DCDC1: variants seen among roughly 807,000 people sequenced by gnomAD.
DCDC1 encodes the protein doublecortin domain-containing protein 1.
In DCDC1, 200 loss-of-function variants were observed where a neutral mutation model predicts 178.3. The observed-to-expected ratio is 1.12, with a 90% CI of 1.00 to 1.26. The LOEUF (loss-of-function observed/expected upper bound fraction) is 1.26. DCDC1 is among the 50% of genes most tolerant of loss of function. The probability of loss-of-function intolerance (pLI) is 0.00; values close to 1 mark genes in which losing one functional copy is unlikely to be tolerated. For missense variants in DCDC1, 1,983 were observed against 1,749.2 expected (o/e 1.13, Z -2.38); for synonymous variants, 690 against 604.8 (o/e 1.14, Z -2.07).
intron 20 of DCDC1, among the ~76,000 whole-genome samples, chr11:31,062,583 T>C (rs569755250): frequency 6.6e-6 from 1 of 152,202 alleles, no homozygotes; most frequent in South Asian, 2.1e-4. Context: ...CATATTATGA[T>C]ACAGCAAGGT....
intron 15 of DCDC1, among the ~76,000 whole-genome samples, chr11:31,101,379 ATCT>A (rs1204246273): frequency 4.0e-5 from 6 of 151,298 alleles, no homozygotes; most frequent in African/African-American, 1.2e-4. Context: ...AAAAAAAAAC[ATCT>A]TCTTTACTGG....
At chr11:31,215,026 T>C (rs1243430646) in intron 9 of DCDC1, 1 of 155,928 alleles carries the variant, frequency 6.4e-6, no homozygotes, top group Non-Finnish European at 1.4e-5. Flanking sequence ...TGTGTATATA[T>C]AAATACAAGT....
chr11:31,068,741 T>C (rs1036224723), intron 18 of DCDC1, among the ~76,000 whole-genome samples: 2 of 152,170 alleles, frequency 1.3e-5, no homozygotes, highest in Non-Finnish European at 2.9e-5. Context: ...ATTTTATACA[T>C]GCAAATATAT....
In DCDC1 at chr11:31,330,099, G is replaced by A. The variant is rs1362209370; in HGVS notation, c.-6-1813C>T. On this transcript the variant is annotated intron_variant, in intron 2 of 38. Coordinates refer to ENST00000684477, the MANE Select transcript of DCDC1 (RefSeq NM_001387274.1). ...TTTTTAATGATCGCCATTCTAACTGGTGTGAGATGGTATCTCATTGTGGTT... is the reference window on the plus strand; with the variant it reads ...TTTTTAATGATCGCCATTCTAACTGATGTGAGATGGTATCTCATTGTGGTT... Among the ~76,000 whole-genome samples the A allele has an allele frequency of 2.6e-5, 4 of 152,242 alleles. 1 individual carries two copies. Among genetic ancestry groups the A allele is most frequent in the Non-Finnish European group, 5.9e-5 (4 of 68,030 alleles).
At chr11:31,141,048 T>C (rs208109) in intron 9 of DCDC1, among the ~76,000 whole-genome samples, 90,313 of 151,944 alleles carry the variant, frequency 0.59, 27,276 homozygotes, top group East Asian at 0.93. Flanking sequence ...GAGGGGAAAA[T>C]GGACTCAAGA....
chr11:31,258,214 C>A (rs1219938106), intron 8 of DCDC1, among the ~76,000 whole-genome samples: 1 of 152,110 alleles, frequency 6.6e-6, no homozygotes, highest in Non-Finnish European at 1.5e-5. Context: ...GACTCCAGAT[C>A]CAAGTTAGAT....
chr11:30,923,617 A>T (rs291163), intron 23 of DCDC1, among the ~76,000 whole-genome samples: 71,521 of 145,812 alleles, frequency 0.49, 18,087 homozygotes, highest in Middle Eastern at 0.58. Context: ...TAATAATAAT[A>T]ATAATTATTA....
intron 2 of DCDC1, among the ~76,000 whole-genome samples, chr11:31,329,776 C>T (rs755948087): frequency 2.6e-5 from 4 of 152,196 alleles, no homozygotes; most frequent in Non-Finnish European, 4.4e-5. Context: ...ACATGTGCCA[C>T]ACTTTCTTAA....
In DCDC1 at chr11:31,225,335, C is replaced by T. The variant is rs1314764394; in HGVS notation, c.1221+16115G>A. On this transcript the variant is annotated intron_variant, in intron 9 of 38. Coordinates refer to ENST00000684477, the MANE Select transcript of DCDC1 (RefSeq NM_001387274.1). ...GAGCTAAGCTATGAGGAGGCAAAGG[C>T]ATAACAATGATATAATGGACTTTGG... Among the ~76,000 whole-genome samples, 4 of 140,020 alleles carry T rather than the reference C, an allele frequency of 2.9e-5. No homozygotes were observed. The East Asian group carries it at 6.3e-4, about 22-fold the overall frequency. 91.9% of individuals were successfully genotyped at this position (140,020 alleles called of 152,430 possible). A position where few individuals can be genotyped will look rare whatever the true frequency, so the allele number is the denominator to read the frequency against.
intron 12 of DCDC1, among the ~76,000 whole-genome samples, chr11:31,109,345 T>C (rs1001078931): frequency 5.9e-5 from 9 of 151,966 alleles, no homozygotes; most frequent in African/African-American, 1.9e-4. Flanking sequence ...TAAAATATTC[T>C]AATGTAAAAA....
intron 11 of DCDC1, among the ~76,000 whole-genome samples, chr11:31,127,054 A>G (rs1001013385): frequency 1.3e-5 from 2 of 152,194 alleles, no homozygotes; most frequent in South Asian, 2.1e-4. Context: ...TTGAACATCA[A>G]TCAGTCACCT....
chr11:31,147,229 T>G (rs1347148900), intron 9 of DCDC1, among the ~76,000 whole-genome samples: 3 of 152,182 alleles, frequency 2.0e-5, no homozygotes, highest in African/African-American at 7.2e-5. Flanking sequence ...TTCTTATTCC[T>G]CACTCCAGCA....
chr11:30,938,294 G>A (rs538291353), intron 21 of DCDC1, among the ~76,000 whole-genome samples: 1 of 151,718 alleles, frequency 6.6e-6, no homozygotes, highest in African/African-American at 2.4e-5. Flanking sequence ...CTCTGGGCAC[G>A]AGCCAAGCCG....
chr11:31,344,574 G>A (rs975162279), intron 1 of DCDC1, among the ~76,000 whole-genome samples: 2 of 152,182 alleles, frequency 1.3e-5, no homozygotes, highest in African/African-American at 2.4e-5. Context: ...GATAAAAATA[G>A]TAACCACTTC....
At chr11:31,358,891 C>T (rs1279145621) in intron 1 of DCDC1, among the ~76,000 whole-genome samples, 3 of 151,922 alleles carry the variant, frequency 2.0e-5, no homozygotes, top group Non-Finnish European at 4.4e-5. Context: ...GAGATATCAT[C>T]TCACACCAGT....
chr11:31,280,684 T>C, intron 7 of DCDC1: 1 of 535,430 alleles, frequency 1.9e-6, no homozygotes, highest in Non-Finnish European at 3.5e-6. Flanking sequence ...ATTTAGTAGC[T>C]TTTTTAAGAC....
At chr11:30,977,474 T>TAG (rs1392534749) in intron 20 of DCDC1, among the ~76,000 whole-genome samples, 6 of 152,188 alleles carry the variant, frequency 3.9e-5, no homozygotes, top group African/African-American at 1.4e-4. Context: ...CAATAAAAAT[T>TAG]AGTTTATACA....
At chr11:31,071,874 CT>C (rs1956587112) in intron 18 of DCDC1, among the ~76,000 whole-genome samples, 3 of 152,318 alleles carry the variant, frequency 2.0e-5, no homozygotes, top group Admixed American at 2.0e-4. Context: ...AGAGTTAGAT[CT>C]TCCAGCCTTG....
chr11:30,932,137 T>G (rs550448732), intron 21 of DCDC1, among the ~76,000 whole-genome samples, 185 bp from the exon 22 acceptor site: 2 of 152,282 alleles, frequency 1.3e-5, no homozygotes, highest in African/African-American at 4.8e-5. Flanking sequence ...AAGATAATTA[T>G]TTTTAAAATT....
Sources: gnomAD v4.1 joint callset for allele counts (sites outside exome capture counted in the v4.1 genomes callset) on GRCh38, gnomAD v4.1.1 for gene constraint, MANE v1.5 for transcripts, NCBI Gene and HGNC (gene_info 2026-07-23, HGNC 2026-07-21) for gene names.